The following SYN3 variants were observed in gnomAD, a reference collection of about 807,000 sequenced individuals.
SYN3 encodes the protein synapsin III.
A neutral mutation model predicts 65.8 loss-of-function variants in SYN3; 35 were observed. That is an observed-to-expected ratio of 0.53 (90% CI 0.41 to 0.70). The LOEUF is 0.70. SYN3 is among the 30% of genes least tolerant of loss of function. The probability of loss-of-function intolerance (pLI) is 0.00; values close to 1 mark genes in which losing one functional copy is unlikely to be tolerated. For missense variants in SYN3, 680 were observed against 749.0 expected (o/e 0.91, Z 1.08); for synonymous variants, 270 against 292.9 (o/e 0.92, Z 0.80).
intron 7 of SYN3, among the ~76,000 whole-genome samples, chr22:32,543,883 G>A (rs1029499726): frequency 5.9e-5 from 9 of 152,350 alleles, no homozygotes; most frequent in Middle Eastern, 3.4e-3. Context: ...CCATGAGATG[G>A]AAGCTGCATG....
At chr22:32,856,476 C>T (rs2048369914) in intron 6 of SYN3, among the ~76,000 whole-genome samples, 1 of 152,074 alleles carries the variant, frequency 6.6e-6, no homozygotes, top group African/African-American at 2.4e-5. Flanking sequence ...TCCCTCAGAT[C>T]CAATGTCAGC....
At chr22:32,545,970 C>T (rs1211314421) in intron 7 of SYN3, among the ~76,000 whole-genome samples, 2 of 152,138 alleles carry the variant, frequency 1.3e-5, no homozygotes, top group African/African-American at 4.8e-5. Flanking sequence ...CACTCTGTCA[C>T]CCAGGCTGGA....
At chr22:32,708,812 G>T (rs551236223) in intron 6 of SYN3, among the ~76,000 whole-genome samples, 1 of 152,246 alleles carries the variant, frequency 6.6e-6, no homozygotes, top group Non-Finnish European at 1.5e-5. Context: ...TGCATGTGCT[G>T]TTGGTGAGCA....
chr22:32,769,531 TTGGA>T (rs2045714455), intron 6 of SYN3, among the ~76,000 whole-genome samples: 1 of 139,744 alleles, frequency 7.2e-6, no homozygotes. Flanking sequence ...TTTTTTTTTT[TTGGA>T]GACTGAGTTT....
rs2057680833 is a variant in SYN3, at chr22:32,510,684, T to A, written c.*3008A>T. Among the ~76,000 whole-genome samples the A allele has an allele frequency of 6.6e-6, 1 of 152,160 alleles. No homozygotes were observed. Among genetic ancestry groups the A allele is most frequent in the South Asian group, 2.1e-4 (1 of 4,826 alleles). ...GAAACCAAACTTCAACTCCTATAGC[T>A]CTCTGTGCTTGAATCTTGTAACAGG... On this transcript the variant is annotated 3_prime_UTR_variant, in exon 14 of 14. Coordinates refer to ENST00000358763, the MANE Select transcript of SYN3 (RefSeq NM_003490.4).
intron 6 of SYN3, among the ~76,000 whole-genome samples, chr22:32,711,493 A>G (rs559430406): frequency 6.6e-6 from 1 of 152,356 alleles, no homozygotes; most frequent in South Asian, 2.1e-4. Context: ...TTTCTAAGCA[A>G]GAGACAGAGA....
chr22:32,624,235 C>T (rs191757168), intron 6 of SYN3, among the ~76,000 whole-genome samples: 17 of 152,254 alleles, frequency 1.1e-4, no homozygotes, highest in Non-Finnish European at 2.1e-4. Flanking sequence ...TCTGCCAATG[C>T]CCAGGGAGGC....
chr22:32,575,893 C>A (rs1347463097), intron 7 of SYN3, among the ~76,000 whole-genome samples: 6 of 150,920 alleles, frequency 4.0e-5, no homozygotes, highest in African/African-American at 1.2e-4. Flanking sequence ...ACAAAACAAA[C>A]AAAAAAAAAC....
Position 32,643,560 on chromosome 22 carries a change from G to T in SYN3, c.712-46824C>A, listed in dbSNP as rs535424387. Among the ~76,000 whole-genome samples the T allele has an allele frequency of 1.1e-4, 14 of 126,526 alleles. 3 individuals are homozygous for T. The highest frequency in any genetic ancestry group is 6.3e-4 in the South Asian group (2 of 3,174). The allele number at this position is 126,526 out of a possible 152,430, so 83.0% of individuals were successfully genotyped here. On this transcript the variant is annotated intron_variant, in intron 6 of 13. Transcript: ENST00000358763. ...CAAATTAGAAATGGTGGGGGGGCGG[G>T]GGGGGCAGAACAGACCCATAAAGGA...
intron 3 of SYN3, among the ~76,000 whole-genome samples, chr22:32,964,800 T>C (rs552541746): frequency 6.6e-6 from 1 of 152,352 alleles, no homozygotes; most frequent in South Asian, 2.1e-4. Context: ...AGTACAACCC[T>C]TGATGCCCCA....
chr22:32,946,529 T>A (rs1032836676), intron 3 of SYN3, among the ~76,000 whole-genome samples: 1 of 111,430 alleles, frequency 9.0e-6, no homozygotes, highest in African/African-American at 3.5e-5. Context: ...ACATCACACA[T>A]AGGGGCCTGT....
intron 6 of SYN3, among the ~76,000 whole-genome samples, chr22:32,708,795 AG>A (rs1390986208): frequency 6.6e-6 from 1 of 152,240 alleles, no homozygotes; most frequent in Non-Finnish European, 1.5e-5. Flanking sequence ...TTTAAAAAGG[AG>A]CAAGATGCAT....
intron 6 of SYN3, among the ~76,000 whole-genome samples, chr22:32,648,675 C>T (rs2858227): frequency 0.013 from 1,995 of 152,306 alleles, 46 homozygotes; most frequent in African/African-American, 0.046. Context: ...CCTCTCAAAG[C>T]CTCAGTTTCA....
At chr22:32,729,504 T>C (rs2147332317) in intron 6 of SYN3, among the ~76,000 whole-genome samples, 2 of 152,326 alleles carry the variant, frequency 1.3e-5, no homozygotes, top group South Asian at 4.1e-4. Flanking sequence ...GGAACTACAG[T>C]GATGGGGACT....
chr22:32,597,692 C>T (rs924483312), intron 6 of SYN3, among the ~76,000 whole-genome samples: 1 of 152,228 alleles, frequency 6.6e-6, no homozygotes, highest in African/African-American at 2.4e-5. Flanking sequence ...CGTCACCTCC[C>T]TTAGGAAGCC....
chr22:32,919,380 C>G (rs949422504), intron 4 of SYN3, among the ~76,000 whole-genome samples: 2 of 152,242 alleles, frequency 1.3e-5, no homozygotes, highest in Non-Finnish European at 2.9e-5. Flanking sequence ...TTCTGCAACT[C>G]TAGTATCAGC....
At chr22:32,948,527 G>C (rs1408440681) in intron 3 of SYN3, among the ~76,000 whole-genome samples, 2 of 152,098 alleles carry the variant, frequency 1.3e-5, no homozygotes, top group African/African-American at 4.8e-5. Context: ...ACAAGGTCAG[G>C]AGATCGAGAC....
intron 2 of SYN3, among the ~76,000 whole-genome samples, chr22:33,001,336 A>G (rs946910896): frequency 6.6e-6 from 1 of 152,164 alleles, no homozygotes; most frequent in Admixed American, 6.5e-5. Context: ...ACTGAACATC[A>G]AATTCAAAAT....
chr22:32,864,912 C>T lies in SYN3; in HGVS notation c.711+3G>A, dbSNP rs1427952459. 7.4e-6 allele frequency: 12 copies of T among 1,613,084 alleles called. No homozygotes were observed. Among genetic ancestry groups the T allele is most frequent in the Admixed American group, 5.0e-5 (3 of 60,026 alleles). ...AAGAAACAGAGTAAAAAAGGGCACT[C>T]ACCATTGGCTTATGGTTGGGGAAAA... On this transcript the variant is annotated splice_donor_region_variant and intron_variant, in intron 6 of 13. Transcript: ENST00000358763.
Sources: allele counts gnomAD v4.1 joint callset (sites outside exome capture counted in the v4.1 genomes callset), GRCh38; gene constraint gnomAD v4.1.1; transcripts MANE v1.5; gene names NCBI Gene and HGNC (gene_info 2026-07-23, HGNC 2026-07-21).